CENPH: variants seen among roughly 807,000 people sequenced by gnomAD.
The protein encoded by CENPH is CENP-H.
A neutral mutation model predicts 42.9 loss-of-function variants in CENPH; 40 were observed. The observed-to-expected ratio is 0.93, with a 90% confidence interval of 0.72 to 1.21. The LOEUF is 1.21. Among genes scored for constraint, CENPH ranks in the 50% most tolerant of loss-of-function variants. The pLI, the probability that CENPH is intolerant of heterozygous loss-of-function variation, is 0.00. For synonymous variants in CENPH, 88 were observed against 96.5 expected, an observed-to-expected ratio of 0.91 and a Z score of 0.52; for missense variants, 302 against 292.9, an observed-to-expected ratio of 1.03 and a Z score of -0.23.
chr5:69,195,576 C>T, intron 3 of CENPH, 141 bp from the exon 4 acceptor site: 1 of 587,708 alleles, frequency 1.7e-6, no homozygotes. Flanking sequence ...TGTGTAAATA[C>T]ACATTGGTAT....
At position 69,208,253 on chromosome 5, in the gene CENPH, A is replaced by G. The variant is rs142524123; in HGVS notation, c.545A>G (p.Gln182Arg). The change falls in exon 8 of 9, where the codon CAG becomes CGG. Residue 182 changes from glutamine to arginine, a missense_variant. Coordinates refer to ENST00000283006, the MANE Select transcript of CENPH (RefSeq NM_022909.4). Reference protein sequence around the residue: ...LLEIQTEKNKQKIDLDSMENS... With the variant: ...LLEIQTEKNKRKIDLDSMENS... ...GAAATACAGACTGAAAAGAACAAAC[A>G]GAAGATTGATTTGGACAGTATGGAA... 2.5e-6 allele frequency: 4 copies of G among 1,594,758 alleles called. No individual in the cohort carries two copies. The highest frequency in any genetic ancestry group is 3.4e-6 in the Non-Finnish European group (4 of 1,163,064).
chr5:69,206,533 G>A (rs1407149730), intron 7 of CENPH, among the ~76,000 whole-genome samples: 1 of 151,860 alleles, frequency 6.6e-6, no homozygotes, highest in Admixed American at 6.6e-5. Context: ...TTGTCACCCA[G>A]GCTGGAGTGC....
chr5:69,193,815 C>T (rs1329231662), intron 2 of CENPH, among the ~76,000 whole-genome samples: 1 of 151,852 alleles, frequency 6.6e-6, no homozygotes, highest in Non-Finnish European at 1.5e-5. Context: ...CCATGGCCGG[C>T]TAATTTTTGT....
chr5:69,197,137 G>T, intron 5 of CENPH, 28 bp downstream of exon 5: 1 of 1,430,272 alleles, frequency 7.0e-7, no homozygotes, highest in Non-Finnish European at 9.5e-7. Context: ...TCTGGATTCG[G>T]TAAGGATGGG....
intron 3 of CENPH, among the ~76,000 whole-genome samples, chr5:69,195,189 A>G (rs1389780373): frequency 1.3e-5 from 2 of 152,066 alleles, no homozygotes; most frequent in Non-Finnish European, 2.9e-5. Context: ...AGATTGCGCC[A>G]TTGCACTCCA....
rs898564755 is a variant in CENPH, at chr5:69,194,644, C to G, written c.191-3C>G. 1.3e-6 allele frequency: 2 copies of G among 1,555,352 alleles called. No homozygotes were observed. Among genetic ancestry groups the G allele is most frequent in the Non-Finnish European group, 1.8e-6 (2 of 1,139,566 alleles). On this transcript the variant is annotated splice_polypyrimidine_tract_variant and splice_region_variant and intron_variant, in intron 2 of 8. Transcript: ENST00000283006. ...GTAACTTCAAAAAATTATTTATTTGCAGGTGAAGAAAAAACTCCAGAACAA... is the reference window on the plus strand; with the variant it reads ...GTAACTTCAAAAAATTATTTATTTGGAGGTGAAGAAAAAACTCCAGAACAA...
chr5:69,203,829 AAATT>A (rs1339562755), intron 7 of CENPH, among the ~76,000 whole-genome samples: 1 of 151,426 alleles, frequency 6.6e-6, no homozygotes, highest in Non-Finnish European at 1.5e-5. Context: ...TTAAATCACA[AAATT>A]AATACATTCT....
chr5:69,190,633 A>G (rs886593973), intron 1 of CENPH, among the ~76,000 whole-genome samples: 19 of 152,326 alleles, frequency 1.2e-4, no homozygotes, highest in African/African-American at 4.6e-4. Flanking sequence ...TAATCCCAAC[A>G]CTTTGGGATG....
chr5:69,198,114 C>T (rs1021340999), intron 5 of CENPH, among the ~76,000 whole-genome samples: 1 of 151,328 alleles, frequency 6.6e-6, no homozygotes, highest in African/African-American at 2.4e-5. Flanking sequence ...TAGAGACGGG[C>T]TTTCACTGTG....
At chr5:69,192,793 A>G (rs1747897744) in intron 2 of CENPH, among the ~76,000 whole-genome samples, 2 of 152,164 alleles carry the variant, frequency 1.3e-5, no homozygotes, top group Admixed American at 1.3e-4. Context: ...TGATTCTTTT[A>G]CCATTTAAAA....
intron 1 of CENPH, among the ~76,000 whole-genome samples, chr5:69,191,031 T>C (rs1440042684): frequency 6.6e-6 from 1 of 152,254 alleles, no homozygotes; most frequent in East Asian, 1.9e-4. Context: ...TTTTTCTACT[T>C]ATGTATGATT....
At chr5:69,204,527 G>A (rs1219783676) in intron 7 of CENPH, among the ~76,000 whole-genome samples, 1 of 148,786 alleles carries the variant, frequency 6.7e-6, no homozygotes, top group Non-Finnish European at 1.5e-5. Flanking sequence ...TGCCCTCAAC[G>A]ATCCTCCTGC....
At chr5:69,197,792 T>TA (rs1017936626) in intron 5 of CENPH, among the ~76,000 whole-genome samples, 106 of 148,642 alleles carry the variant, frequency 7.1e-4, no homozygotes, top group African/African-American at 2.6e-3. Context: ...CCTTAAAACT[T>TA]AAAGTATAAT....
At chr5:69,204,750 G>A (rs997265246) in intron 7 of CENPH, among the ~76,000 whole-genome samples, 1 of 150,460 alleles carries the variant, frequency 6.6e-6, no homozygotes, top group Non-Finnish European at 1.5e-5. Context: ...GATTACATGC[G>A]CCAACCAGCA....
intron 2 of CENPH, among the ~76,000 whole-genome samples, chr5:69,193,405 G>T (rs1747911508): frequency 6.6e-6 from 1 of 151,792 alleles, no homozygotes; most frequent in African/African-American, 2.4e-5. Context: ...GGGCCAAGGC[G>T]AGAGGATTGC....
chr5:69,204,051 TTATATATATAAATATATATA>T (rs889457271), intron 7 of CENPH, among the ~76,000 whole-genome samples: 9 of 61,932 alleles, frequency 1.5e-4, no homozygotes, highest in African/African-American at 6.0e-4. Context: ...TATTTATATA[TTATATATATAAATATATATA>T]ATATATAAAT....
At chr5:69,196,936 C>T in intron 4 of CENPH, 117 bp from the exon 5 acceptor site, 1 of 590,952 alleles carries the variant, frequency 1.7e-6, no homozygotes, top group Non-Finnish European at 2.9e-6. Context: ...TATTTTAAAA[C>T]CTACTTCTGT....
intron 7 of CENPH, among the ~76,000 whole-genome samples, chr5:69,203,672 G>T (rs350109): frequency 0.6 from 90,405 of 151,620 alleles, 27,478 homozygotes; most frequent in African/African-American, 0.71. Flanking sequence ...TGGCCAAATT[G>T]TTGTATTTTT....
chr5:69,190,677 C>A (rs1430182663), intron 1 of CENPH, among the ~76,000 whole-genome samples: 1 of 152,120 alleles, frequency 6.6e-6, no homozygotes, highest in South Asian at 2.1e-4. Context: ...GTCAGGAGTT[C>A]AAGACCAGCC....
Sources: allele counts gnomAD v4.1 joint callset (sites outside exome capture counted in the v4.1 genomes callset), GRCh38; gene constraint gnomAD v4.1.1; transcripts MANE v1.5; gene names NCBI Gene and HGNC (gene_info 2026-07-23, HGNC 2026-07-21).